Variants in ECT2L observed in about 807,000 individuals in gnomAD.
ECT2L encodes the protein epithelial cell transforming 2 like.
Under a neutral mutation model 122.8 loss-of-function variants are expected in ECT2L, and 126 were observed. The ratio of observed to expected loss-of-function variants is 1.03; its 90% CI spans 0.89 to 1.19. The LOEUF is 1.19. Among genes scored for constraint, ECT2L ranks in the 50% most tolerant of loss-of-function variants. The probability of loss-of-function intolerance (pLI) is 0.00; values close to 1 mark genes in which losing one functional copy is unlikely to be tolerated. For missense variants in ECT2L, 1,012 were observed against 1,064.1 expected (o/e 0.95, Z 0.68); for synonymous variants, 385 against 381.8 (o/e 1.01, Z -0.10).
At chr6:138,858,984 A>G (rs1043140863) in intron 10 of ECT2L, among the ~76,000 whole-genome samples, 8 of 151,960 alleles carry the variant, frequency 5.3e-5, no homozygotes, top group Admixed American at 3.9e-4. Context: ...ACAGGTGTGC[A>G]CCATCCCGCC....
At chr6:138,860,520 AAG>A (rs1777788095) in intron 10 of ECT2L, among the ~76,000 whole-genome samples, 1 of 84,868 alleles carries the variant, frequency 1.2e-5, no homozygotes, top group Admixed American at 1.7e-4. Flanking sequence ...AGACATCAGT[AAG>A]TGAGAGACAT....
At chr6:138,893,634 C>A (rs1289274546) in intron 20 of ECT2L, among the ~76,000 whole-genome samples, 4 of 151,982 alleles carry the variant, frequency 2.6e-5, no homozygotes, top group Non-Finnish European at 5.9e-5. Flanking sequence ...GTTGGCCAGG[C>A]TGGTCTCGAA....
chr6:138,881,401 A>G (rs943483969), intron 15 of ECT2L, among the ~76,000 whole-genome samples: 1 of 151,912 alleles, frequency 6.6e-6, no homozygotes, highest in African/African-American at 2.4e-5. Context: ...GGTGTTCAGG[A>G]CCTAGGCATT....
At chr6:138,848,969 A>G (rs544842639) in intron 8 of ECT2L, among the ~76,000 whole-genome samples, 53 of 152,250 alleles carry the variant, frequency 3.5e-4, no homozygotes, top group African/African-American at 1.1e-3. Context: ...TTACTTTTTA[A>G]AAGTTATTTA....
intron 1 of ECT2L, among the ~76,000 whole-genome samples, chr6:138,797,017 T>C (rs1775367887): frequency 6.6e-6 from 1 of 152,228 alleles, no homozygotes; most frequent in African/African-American, 2.4e-5. Context: ...GTTTTATAGC[T>C]TTAAACTTAT....
At position 138,843,225 on chromosome 6, in the gene ECT2L, C is replaced by G; in HGVS notation, c.589C>G (p.Arg197Gly). The part of the protein sequence containing the change: ...RKRIWEKIAL[R>G]KKELFKVRPP... ...AAGAATTTGGGAGAAAATTGCACTA[C>G]GTAAGAGTAAGTAGCATTTTAAACC... Residue 197 changes from arginine (R) to glycine (G), a missense_variant, in exon 6 of 22, where the codon CGT (arginine) becomes GGT (glycine). Transcript: ENST00000541398. 1 of 1,596,644 alleles carries G rather than the reference C, an allele frequency of 6.3e-7. No individual in the cohort carries two copies. Among genetic ancestry groups the G allele is most frequent in the Non-Finnish European group, 8.5e-7 (1 of 1,170,744 alleles).
intron 10 of ECT2L, 21 bp from the exon 11 acceptor site, chr6:138,862,606 A>G (rs755871871): frequency 2.5e-6 from 4 of 1,608,484 alleles, no homozygotes; most frequent in Non-Finnish European, 3.4e-6. Context: ...GAAACTAACG[A>G]AAGTGTTTTT....
At chr6:138,825,554 G>C (rs1357527545) in intron 4 of ECT2L, among the ~76,000 whole-genome samples, 1 of 152,114 alleles carries the variant, frequency 6.6e-6, no homozygotes. Context: ...TTGCACTCCA[G>C]CCTGGGCGAC....
intron 20 of ECT2L, 139 bp downstream of exon 20, chr6:138,889,170 T>C (rs1778932454): frequency 5.4e-6 from 2 of 367,484 alleles, no homozygotes; most frequent in Non-Finnish European, 9.9e-6. Context: ...ACTGAAAAGT[T>C]ACAGAGGACT....
intron 5 of ECT2L, among the ~76,000 whole-genome samples, chr6:138,840,624 T>C (rs963878639): frequency 1.3e-5 from 2 of 152,152 alleles, no homozygotes; most frequent in African/African-American, 2.4e-5. Context: ...ATTTCATTTT[T>C]TTTTCTTGAG....
intron 21 of ECT2L, among the ~76,000 whole-genome samples, chr6:138,901,538 C>T (rs1779395738): frequency 6.6e-6 from 1 of 152,182 alleles, no homozygotes; most frequent in Non-Finnish European, 1.5e-5. Context: ...TTGACACTAC[C>T]TTTCCTTCCT....
In ECT2L at chr6:138,815,383, C is replaced by T. The variant is rs182093999; in HGVS notation, c.179+780C>T. 4.3e-4 allele frequency among the ~76,000 whole-genome samples: 66 copies of T among 152,230 alleles called. 1 individual carries two copies. Among genetic ancestry groups the T allele is most frequent in the African/African-American group, 1.5e-3 (64 of 41,528 alleles). On this transcript the variant is annotated intron_variant, in intron 4 of 21. Transcript: ENST00000541398. ...AAATTCAAGATATGTGTGGACTGAC[C>T]GAAATATTCTAGAGAGCCCTCCAGC... is the stretch of plus-strand genomic sequence containing the variant.
intron 12 of ECT2L, among the ~76,000 whole-genome samples, chr6:138,866,827 G>A (rs1173330056): frequency 1.3e-5 from 2 of 152,012 alleles, no homozygotes; most frequent in African/African-American, 4.8e-5. Flanking sequence ...AATCCCAGCA[G>A]TTTGGGAAGC....
intron 9 of ECT2L, among the ~76,000 whole-genome samples, chr6:138,853,317 C>A (rs141689756): frequency 0.011 from 1,617 of 152,206 alleles, 28 homozygotes; most frequent in African/African-American, 0.037. Context: ...ACCTCAAAGA[C>A]CTAGTTTACT....
chr6:138,887,501 G>A (rs954193870), intron 19 of ECT2L, among the ~76,000 whole-genome samples: 15 of 152,168 alleles, frequency 9.9e-5, no homozygotes, highest in African/African-American at 3.6e-4. Flanking sequence ...TGGGATTACA[G>A]GCGTGAGCCA....
At chr6:138,868,863 T>C (rs930461000) in intron 13 of ECT2L, among the ~76,000 whole-genome samples, 2 of 152,164 alleles carry the variant, frequency 1.3e-5, no homozygotes, top group African/African-American at 4.8e-5. Context: ...GAGGACAGCA[T>C]GGCTATAGGA....
intron 20 of ECT2L, among the ~76,000 whole-genome samples, chr6:138,890,432 A>C (rs1027791286): frequency 4.6e-5 from 7 of 151,550 alleles, no homozygotes; most frequent in Non-Finnish European, 1.0e-4. Context: ...TCTTAAATGA[A>C]AATCAAATCA....
chr6:138,816,789 CA>C (rs1776084163), intron 4 of ECT2L, among the ~76,000 whole-genome samples: 1 of 152,184 alleles, frequency 6.6e-6, no homozygotes, highest in African/African-American at 2.4e-5. Context: ...CCGGCCTAAA[CA>C]TCTTTATTGA....
In ECT2L at chr6:138,884,652, C is replaced by A. The variant is rs141875716; in HGVS notation, c.2029-854C>A. Among the ~76,000 whole-genome samples, 206 of 151,026 alleles carry A rather than the reference C, an allele frequency of 1.4e-3. 3 individuals are homozygous for A. The highest frequency in any genetic ancestry group is 0.011 in the Admixed American group (164 of 15,170). ...GACTCTGTCTCAAAAAAACAAAAAA[C>A]AAAAAAAATATATTAAGTACAGTAG... On this transcript the variant is annotated intron_variant, in intron 16 of 21. Coordinates refer to ENST00000541398, the MANE Select transcript of ECT2L (RefSeq NM_001077706.3).
Sources: gnomAD v4.1 joint callset for allele counts (sites outside exome capture counted in the v4.1 genomes callset) on GRCh38, gnomAD v4.1.1 for gene constraint, MANE v1.5 for transcripts, NCBI Gene and HGNC (gene_info 2026-07-23, HGNC 2026-07-21) for gene names.